The following CCDC91 variants were observed in gnomAD, a reference collection of about 807,000 sequenced individuals.
The protein encoded by CCDC91 is coiled-coil domain containing 91.
Under a neutral mutation model 63.2 loss-of-function variants are expected in CCDC91, and 48 were observed. The ratio of observed to expected loss-of-function variants is 0.76; its 90% CI spans 0.60 to 0.97. The LOEUF (loss-of-function observed/expected upper bound fraction) is 0.97. Ranked by LOEUF, CCDC91 falls within the 50% of genes least tolerant of loss-of-function variation. CCDC91 has a pLI of 0.00. For missense variants in CCDC91, 500 were observed against 494.6 expected, an observed-to-expected ratio of 1.01 and a Z score of -0.10; for synonymous variants, 167 against 165.8, an observed-to-expected ratio of 1.01 and a Z score of -0.06.
chr12:28,407,179 C>T (rs979821866), intron 8 of CCDC91, among the ~76,000 whole-genome samples: 2 of 152,274 alleles, frequency 1.3e-5, no homozygotes, highest in East Asian at 3.9e-4. Flanking sequence ...CTGAGGCCTA[C>T]TCCCCAAAAG....
chr12:28,296,848 C>T (rs1288507703), intron 3 of CCDC91, among the ~76,000 whole-genome samples: 1 of 151,718 alleles, frequency 6.6e-6, no homozygotes, highest in African/African-American at 2.4e-5. Flanking sequence ...TTTGTTTTTT[C>T]ATAACAGTGA....
intron 8 of CCDC91, among the ~76,000 whole-genome samples, chr12:28,420,667 C>G (rs1196721810): frequency 6.6e-6 from 1 of 151,968 alleles, no homozygotes; most frequent in Non-Finnish European, 1.5e-5. Flanking sequence ...GTATTTCCCA[C>G]CTATTTGTTC....
chr12:28,282,759 C>G (rs1475521156), intron 3 of CCDC91, among the ~76,000 whole-genome samples: 1 of 152,026 alleles, frequency 6.6e-6, no homozygotes, highest in Non-Finnish European at 1.5e-5. Flanking sequence ...CATTTGGGAT[C>G]TTAGTCATAA....
intron 6 of CCDC91, among the ~76,000 whole-genome samples, chr12:28,327,726 G>A (rs768958407): frequency 7.2e-5 from 11 of 152,162 alleles, no homozygotes; most frequent in Admixed American, 2.6e-4. Context: ...TATTTACTCC[G>A]GACAACGACG....
chr12:28,226,257 G>A (rs1454963686), intron 1 of CCDC91: 3 of 152,174 alleles, frequency 2.0e-5, no homozygotes, highest in Non-Finnish European at 4.4e-5. Context: ...TTAATAGATT[G>A]GAAACTAGGA....
At chr12:28,452,210 G>A (rs1410197519) in intron 10 of CCDC91, among the ~76,000 whole-genome samples, 8 of 151,316 alleles carry the variant, frequency 5.3e-5, no homozygotes, top group African/African-American at 1.9e-4. Context: ...GGGATCTTTA[G>A]ACCATATAGT....
intron 1 of CCDC91, among the ~76,000 whole-genome samples, chr12:28,249,067 T>C (rs1303116446): frequency 6.6e-6 from 1 of 152,204 alleles, no homozygotes; most frequent in Non-Finnish European, 1.5e-5. Context: ...GTTTTCTTTG[T>C]TAAGCAGGAG....
intron 7 of CCDC91, among the ~76,000 whole-genome samples, chr12:28,365,143 G>T (rs187333384): frequency 5.9e-5 from 9 of 152,284 alleles, no homozygotes; most frequent in Admixed American, 5.2e-4. Context: ...ATTTTAGCAA[G>T]TCATCTTATA....
intron 12 of CCDC91, among the ~76,000 whole-genome samples, chr12:28,499,932 A>G (rs1382953446): frequency 2.0e-5 from 3 of 152,124 alleles, no homozygotes; most frequent in Non-Finnish European, 2.9e-5. Context: ...TGTCTTCCAC[A>G]ATGGTTGAAC....
intron 8 of CCDC91, among the ~76,000 whole-genome samples, chr12:28,429,286 A>G (rs1948502195): frequency 6.6e-6 from 1 of 152,172 alleles, no homozygotes; most frequent in African/African-American, 2.4e-5. Context: ...ATCACAGTCA[A>G]GTTTTAATCC....
At chr12:28,262,050 T>TG (rs1047776485) in intron 3 of CCDC91, among the ~76,000 whole-genome samples, 27 of 152,056 alleles carry the variant, frequency 1.8e-4, no homozygotes, top group Non-Finnish European at 1.5e-5. Context: ...TGGAGAAGTC[T>TG]GCCTCTTGAT....
rs768796598 is a variant in CCDC91, at chr12:28,438,930, C to A, written c.763-11231C>A. ...TGAAAATGGTTGAAACAGAAATAAT[C>A]CTCTGCTTAAATTGAGGATTGTCAC... On this transcript the variant is annotated intron_variant, in intron 8 of 12. Transcript: ENST00000536442. Among the ~76,000 whole-genome samples the A allele has an allele frequency of 7.2e-5, 11 of 152,222 alleles. No individual in the cohort carries two copies. In the East Asian group the frequency reaches 2.1e-3, roughly 29 times the overall value.
chr12:28,288,888 A>T (rs753545215), intron 3 of CCDC91, among the ~76,000 whole-genome samples: 1 of 152,036 alleles, frequency 6.6e-6, no homozygotes, highest in Non-Finnish European at 1.5e-5. Flanking sequence ...CAGGAATTTA[A>T]TTTCTTGCTG....
intron 12 of CCDC91, among the ~76,000 whole-genome samples, chr12:28,516,397 A>G (rs1000031235): frequency 6.6e-6 from 1 of 151,806 alleles, no homozygotes; most frequent in Non-Finnish European, 1.5e-5. Flanking sequence ...GAGCCCAGGA[A>G]TTCAAGACTA....
At chr12:28,498,682 A>G (rs577884228) in intron 12 of CCDC91, among the ~76,000 whole-genome samples, 6 of 151,698 alleles carry the variant, frequency 4.0e-5, no homozygotes, top group Non-Finnish European at 8.9e-5. Flanking sequence ...CTTACTTTAT[A>G]GTATCACTAC....
At chr12:28,404,488 A>T (rs529324584) in intron 8 of CCDC91, among the ~76,000 whole-genome samples, 1 of 152,144 alleles carries the variant, frequency 6.6e-6, no homozygotes, top group Admixed American at 6.6e-5. Context: ...TGGTTGCAGT[A>T]TATAGACTTC....
chr12:28,351,149 T>A (rs1943155316), intron 6 of CCDC91, among the ~76,000 whole-genome samples: 1 of 152,122 alleles, frequency 6.6e-6, no homozygotes, highest in South Asian at 2.1e-4. Flanking sequence ...CCAAATAACA[T>A]TAACTCAAAA....
At chr12:28,289,609 GT>G (rs1437035381) in intron 3 of CCDC91, among the ~76,000 whole-genome samples, 1 of 150,248 alleles carries the variant, frequency 6.7e-6, no homozygotes, top group Non-Finnish European at 1.5e-5. Flanking sequence ...TGTGTGGTCA[GT>G]TTCAGAATAC....
chr12:28,393,327 C>T (rs1946066274), intron 8 of CCDC91, among the ~76,000 whole-genome samples: 2 of 151,018 alleles, frequency 1.3e-5, no homozygotes, highest in South Asian at 2.1e-4. Context: ...CTGTTAAGGC[C>T]GTATCCACAG....
Sources: gnomAD v4.1 joint callset for allele counts (sites outside exome capture counted in the v4.1 genomes callset) on GRCh38, gnomAD v4.1.1 for gene constraint, MANE v1.5 for transcripts, NCBI Gene and HGNC (gene_info 2026-07-23, HGNC 2026-07-21) for gene names.